CAP1: variants seen among roughly 807,000 people sequenced by gnomAD.
The protein encoded by CAP1 is cyclase associated actin cytoskeleton regulatory protein 1.
CAP1 carries 11 observed loss-of-function variants against 58.2 expected under a neutral mutation model. The observed-to-expected ratio is 0.19, with a 90% CI of 0.12 to 0.31. The LOEUF (loss-of-function observed/expected upper bound fraction) is 0.31, where lower values mean the gene tolerates loss of function less well. Ranked by LOEUF, CAP1 falls within the 10% of genes least tolerant of loss-of-function variation. CAP1 has a pLI of 1.00. For missense variants in CAP1, 423 were observed against 587.5 expected (o/e 0.72, Z 2.89); for synonymous variants, 183 against 213.8 (o/e 0.86, Z 1.26).
In CAP1 at chr1:40,072,092, CTCTAT is replaced by C; in HGVS notation, c.*565_*569del. 1 of 402,266 alleles carries C rather than the reference CTCTAT, an allele frequency of 2.5e-6. No individual in the cohort carries two copies. 24.9% of individuals were successfully genotyped at this position (402,266 alleles called of 1,614,324 possible). On this transcript the variant is annotated 3_prime_UTR_variant, in exon 13 of 13. Coordinates refer to ENST00000372805, the MANE Select transcript of CAP1 (RefSeq NM_006367.4). ...GTTTCCTATAAGCATTCCTTTTATTCTCTATTCTATCCTGGGTCTGCCTCAACCGT... is the reference window on the plus strand; with the variant it reads ...GTTTCCTATAAGCATTCCTTTTATTCTCTATCCTGGGTCTGCCTCAACCGT...
At chr1:40,053,393 G>A (rs1364317583) in intron 1 of CAP1, among the ~76,000 whole-genome samples, 1 of 152,080 alleles carries the variant, frequency 6.6e-6, no homozygotes, top group East Asian at 1.9e-4. Context: ...TGCAGAGTAG[G>A]ATTCAGAATA....
rs544452254 is a variant in CAP1 at position 40,051,875 on chromosome 1, TTTTTG to T, written c.-10-7447_-10-7443del. Among the ~76,000 whole-genome samples the T allele has an allele frequency of 1.6e-4, 24 of 152,324 alleles. 1 individual carries two copies. The South Asian group carries it at 2.5e-3, about 16-fold the overall frequency. ...TGAGCCACCGCGCCCAGCCTGTTTT[TTTTTG>T]TTTTGTTTTGTTTTTTAAATAAAAG... On this transcript the variant is annotated intron_variant, in intron 1 of 12. Coordinates refer to ENST00000372805, the MANE Select transcript of CAP1 (RefSeq NM_006367.4).
rs545179409 is a variant in CAP1 at position 40,041,126 on chromosome 1, C to T, written c.-11+325C>T. Among the ~76,000 whole-genome samples, 15 of 152,338 alleles carry T rather than the reference C, an allele frequency of 9.8e-5. No homozygotes were observed. In the East Asian group the frequency reaches 2.9e-3, roughly 29 times the overall value. ...GAGTCTTCCCTGTCTCCTGTTGATG[C>T]TCCCATTGCACTGATAGGTAAATTG... On this transcript the variant is annotated intron_variant, in intron 1 of 12. Transcript: ENST00000372805.
rs1645779097 is a variant in CAP1 at position 40,040,803 on chromosome 1, T to G, written c.-11+2T>G. 1 of 153,000 alleles carries G rather than the reference T, an allele frequency of 6.5e-6. No individual in the cohort carries two copies. The highest frequency in any genetic ancestry group is 1.5e-5 in the Non-Finnish European group (1 of 68,424). 9.5% of individuals were successfully genotyped at this position (153,000 alleles called of 1,614,324 possible). A position where few individuals can be genotyped will look rare whatever the true frequency, so the allele number is the denominator to read the frequency against. ...CCGGAGGTGAGGCGGAACTCTGAGG[T>G]GAGGGTGTGCAGCTTGGTAGGGATT... On this transcript the variant is annotated splice_donor_variant, in intron 1 of 12. Coordinates refer to ENST00000372805, the MANE Select transcript of CAP1 (RefSeq NM_006367.4). LOFTEE classifies it low-confidence loss of function (5UTR_SPLICE).
intron 1 of CAP1, among the ~76,000 whole-genome samples, chr1:40,054,193 C>CTTTTTTTTTTTTTTTTT (rs398052925): frequency 1.4e-4 from 19 of 136,378 alleles, no homozygotes; most frequent in Admixed American, 3.8e-4. Context: ...GCCCACTGTT[C>CTTTTTTTTTTTTTTTTT]TTTTTTTTTT....
chr1:40,044,053 A>G (rs1350984053), intron 1 of CAP1, among the ~76,000 whole-genome samples: 1 of 152,184 alleles, frequency 6.6e-6, no homozygotes, highest in African/African-American at 2.4e-5. Flanking sequence ...TTCAGTGAGT[A>G]TATTTTTGCT....
Position 40,072,201 on chromosome 1 carries a change from C to T in CAP1, c.*668C>T, listed in dbSNP as rs1031420233. 5.4e-6 allele frequency: 2 copies of T among 371,392 alleles called. No individual in the cohort carries two copies. Among genetic ancestry groups the T allele is most frequent in the African/African-American group, 4.4e-5 (2 of 45,302 alleles). The allele number at this position is 371,392 out of a possible 1,614,324, so 23.0% of individuals were successfully genotyped here. Reference sequence around the variant, plus strand: ...CAGTTAATGGAGTCTTGGACCCTTTCTTTCTCTGGGATCCCTGCCCAGCAC... The same window carrying T: ...CAGTTAATGGAGTCTTGGACCCTTTTTTTCTCTGGGATCCCTGCCCAGCAC... On this transcript the variant is annotated 3_prime_UTR_variant, in exon 13 of 13. Coordinates refer to ENST00000372805, the MANE Select transcript of CAP1 (RefSeq NM_006367.4).
intron 1 of CAP1, among the ~76,000 whole-genome samples, chr1:40,048,673 T>A (rs11207418): frequency 0.14 from 21,499 of 152,032 alleles, 1,789 homozygotes; most frequent in African/African-American, 0.24. Context: ...AAATTTTGCG[T>A]TCAAGTTTTT....
intron 1 of CAP1, among the ~76,000 whole-genome samples, chr1:40,053,230 AAAG>A (rs1187364704): frequency 6.6e-6 from 1 of 152,202 alleles, no homozygotes; most frequent in Non-Finnish European, 1.5e-5. Flanking sequence ...ATCTCAAAAA[AAAG>A]AAAAATGGAA....
At position 40,060,109 on chromosome 1, in the gene CAP1, C is replaced by T. The variant is rs758590288; in HGVS notation, c.155C>T (p.Ala52Val). The T allele has an allele frequency of 1.4e-5, 22 of 1,613,740 alleles. No individual in the cohort carries two copies. The highest frequency in any genetic ancestry group is 1.7e-5 in the Admixed American group (1 of 59,994). Residue 52 changes from alanine to valine, a missense_variant, in exon 3 of 13, where the codon GCT (alanine) becomes GTT (valine). By Grantham distance (64) the Ala-to-Val change is moderately conservative. Transcript: ENST00000372805. ...PYVQAFDSLLAGPVAEYLKIS... is the reference protein window; with the variant it reads ...PYVQAFDSLLVGPVAEYLKIS... ...GTGCAGGCATTTGACTCGCTGCTTG[C>T]TGGTCCTGTGGCAGAGTACTTGAAG...
At chr1:40,045,969 T>A (rs935164678) in intron 1 of CAP1, among the ~76,000 whole-genome samples, 3 of 152,164 alleles carry the variant, frequency 2.0e-5, no homozygotes, top group African/African-American at 7.2e-5. Context: ...ATTACAGGCA[T>A]GAGCCACCAC....
chr1:40,044,788 CTTTTTTTTT>C (rs71060347), intron 1 of CAP1, among the ~76,000 whole-genome samples: 3 of 85,236 alleles, frequency 3.5e-5, no homozygotes, highest in Non-Finnish European at 4.3e-5. Flanking sequence ...CCATATAATT[CTTTTTTTTT>C]TTTTTTTTTT....
At chr1:40,041,247 C>A (rs529180695) in intron 1 of CAP1, among the ~76,000 whole-genome samples, 2 of 152,382 alleles carry the variant, frequency 1.3e-5, no homozygotes, top group South Asian at 4.1e-4. Context: ...CCCAGTTCTT[C>A]CCGTGTTGCT....
chr1:40,054,128 GGAGAGT>G (rs1477188843), intron 1 of CAP1, among the ~76,000 whole-genome samples: 31 of 101,036 alleles, frequency 3.1e-4, no homozygotes, highest in Admixed American at 3.0e-3. Context: ...TGTGTTGAGG[GGAGAGT>G]GAGTAAGAGC....
intron 1 of CAP1, among the ~76,000 whole-genome samples, chr1:40,055,812 A>G (rs2124301206): frequency 6.6e-6 from 1 of 152,326 alleles, no homozygotes; most frequent in East Asian, 1.9e-4. Flanking sequence ...CCCAGCCAGT[A>G]TCCTAACTCT....
chr1:40,048,518 A>G (rs1240468996), intron 1 of CAP1, among the ~76,000 whole-genome samples: 2 of 152,224 alleles, frequency 1.3e-5, no homozygotes, highest in South Asian at 2.1e-4. Flanking sequence ...AGTAGAACTA[A>G]CTACTACATA....
chr1:40,068,344 C>T (rs1345083887), intron 8 of CAP1, among the ~76,000 whole-genome samples: 1 of 152,062 alleles, frequency 6.6e-6, no homozygotes, highest in Admixed American at 6.5e-5. Flanking sequence ...GATCTCGGCT[C>T]ACCGCAACCT....
At chr1:40,051,494 A>G (rs116445664) in intron 1 of CAP1, among the ~76,000 whole-genome samples, 4,341 of 152,314 alleles carry the variant, frequency 0.029, 205 homozygotes, top group African/African-American at 0.094. Flanking sequence ...TCAAGGCTGC[A>G]GTGAGCTGTG....
chr1:40,066,092 T>C (rs1207230023), intron 6 of CAP1, 123 bp from the exon 7 acceptor site: 4 of 622,756 alleles, frequency 6.4e-6, no homozygotes, highest in Non-Finnish European at 1.2e-5. Flanking sequence ...AAAGCTGCCA[T>C]TGAGCGGAGC....
Sources: allele counts gnomAD v4.1 joint callset (sites outside exome capture counted in the v4.1 genomes callset), GRCh38; gene constraint gnomAD v4.1.1; transcripts MANE v1.5; gene names NCBI Gene and HGNC (gene_info 2026-07-23, HGNC 2026-07-21).